NEB: variants seen among roughly 807,000 people sequenced by gnomAD.
NEB encodes nebulin.
NEB carries 512 observed loss-of-function variants against 952.2 expected under a neutral mutation model. That is an observed-to-expected ratio of 0.54 (90% CI 0.50 to 0.58). NEB has a LOEUF of 0.58. Among genes scored for constraint, NEB ranks in the 20% least tolerant of loss-of-function variants. The pLI, the probability that NEB is intolerant of heterozygous loss-of-function variation, is 0.00. For missense variants in NEB, 8,428 were observed against 9,231.1 expected, an observed-to-expected ratio of 0.91 and a Z score of 3.56; for synonymous variants, 2,900 against 3,149.8, an observed-to-expected ratio of 0.92 and a Z score of 2.66.
intron 173 of NEB, among the ~76,000 whole-genome samples, chr2:151,495,770 A>G (rs1027674632): frequency 1.3e-5 from 2 of 152,210 alleles, no homozygotes; most frequent in Admixed American, 1.3e-4. Flanking sequence ...ATAATTGCCA[A>G]AACTACTATT....
chr2:151,563,524 C>T (rs1286313516), intron 119 of NEB, 82 bp downstream of exon 119: 3 of 1,263,486 alleles, frequency 2.4e-6, no homozygotes, highest in South Asian at 2.4e-5. Context: ...CTAACCTGAA[C>T]CAAAGGGCAA....
chr2:151,714,214 T>A (rs1406321431), intron 10 of NEB, among the ~76,000 whole-genome samples: 1 of 152,254 alleles, frequency 6.6e-6, no homozygotes, highest in East Asian at 1.9e-4. Flanking sequence ...AACAATTCCC[T>A]CTGACCCCTT....
At chr2:151,509,268 C>T (rs2071970049) in intron 161 of NEB, among the ~76,000 whole-genome samples, 1 of 152,132 alleles carries the variant, frequency 6.6e-6, no homozygotes. Flanking sequence ...TCATCATGAA[C>T]AAATGTTTTG....
In NEB at chr2:151,538,171, T is replaced by A. The variant is rs537451022; in HGVS notation, c.20966A>T (p.Tyr6989Phe). 26 of 1,612,708 alleles carry A rather than the reference T, an allele frequency of 1.6e-5. No individual in the cohort carries two copies. The South Asian group carries it at 2.9e-4, about 18-fold the overall frequency. Residue 6989 changes from tyrosine to phenylalanine, a missense_variant, in exon 139 of 182, where the codon TAT (tyrosine) becomes TTT (phenylalanine). Tyr to Phe is a conservative substitution (Grantham distance 22). This residue lies in a region of NEB where 3,374 missense variants were observed against 3,651.5 expected (regional missense o/e 0.92). Transcript: ENST00000397345. ...HTVKDALDIV[Y>F]HRKVTDDISK... is the part of the protein sequence containing the mutation. Reference sequence around the variant, plus strand: ...GATGTCATCTGTGACTTTGCGATGATAGACAATGTCTAGGGCATCTTTCAC... The same window carrying A: ...GATGTCATCTGTGACTTTGCGATGAAAGACAATGTCTAGGGCATCTTTCAC...
Position 151,667,829 on chromosome 2 carries a change from T to C in NEB, c.4694A>G (p.Lys1565Arg). The C allele has an allele frequency of 1.9e-6, 3 of 1,612,610 alleles. No homozygotes were observed. The highest frequency in any genetic ancestry group is 2.5e-6 in the Non-Finnish European group (3 of 1,178,890). Residue 1565 changes from lysine (K) to arginine (R), a missense_variant, in exon 40 of 182, where the codon AAA (lysine) becomes AGA (arginine). Transcript: ENST00000397345. ...ATCACTAGCAATATTCCTTGAACTTTTTGCAGCAACAATTGGGATGGCATC... is the reference window on the plus strand; with the variant it reads ...ATCACTAGCAATATTCCTTGAACTTCTTGCAGCAACAATTGGGATGGCATC... ...RPDAIPIVAA[K>R]SSRNIASDCK...
intron 72 of NEB, 122 bp from the exon 73 acceptor site, chr2:151,619,884 C>T: frequency 1.0e-6 from 1 of 996,996 alleles, no homozygotes; most frequent in Non-Finnish European, 1.5e-6. Flanking sequence ...GGTCATGCTG[C>T]TGTAACGCCA....
intron 13 of NEB, among the ~76,000 whole-genome samples, 187 bp from the exon 14 acceptor site, chr2:151,697,835 G>A (rs2099607300): frequency 6.6e-6 from 1 of 152,200 alleles, no homozygotes. Flanking sequence ...AGGAGGCCGA[G>A]GCGGGCGGAT....
In NEB at chr2:151,625,628, G is replaced by T. The variant is rs781408732; in HGVS notation, c.10358C>A (p.Thr3453Lys). 1 of 1,600,690 alleles carries T rather than the reference G, an allele frequency of 6.2e-7. No homozygotes were observed. Among genetic ancestry groups the T allele is most frequent in the Non-Finnish European group, 8.5e-7 (1 of 1,170,954 alleles). ...NALNMNKRLY[T>K]EAWDKDKTQV... ...GGTCTTGTCTTTGTCCCAGGCTTCT[G>T]TGTATAAGCGCTGTGAAGGATAAAA... Residue 3453 changes from threonine to lysine, a missense_variant, in exon 71 of 182, where the codon ACA becomes AAA. Physicochemically the swap from Thr to Lys is moderately conservative, Grantham distance 78 (BLOSUM62 -1). Coordinates refer to ENST00000397345, the MANE Select transcript of NEB (RefSeq NM_001164508.2).
chr2:151,635,019 A>G (rs548768085), intron 64 of NEB, among the ~76,000 whole-genome samples: 13 of 152,296 alleles, frequency 8.5e-5, no homozygotes, highest in African/African-American at 2.9e-4. Flanking sequence ...ACAATATGGT[A>G]CAGTGGAAAG....
chr2:151,705,563 C>T (rs918465037), intron 13 of NEB, among the ~76,000 whole-genome samples: 3 of 152,108 alleles, frequency 2.0e-5, no homozygotes, highest in East Asian at 3.8e-4. Context: ...ATCCAGCAAT[C>T]CCATCACTGA....
Position 151,609,504 on chromosome 2 carries a change from A to G in NEB, c.12330+305T>C, listed in dbSNP as rs373635811. ...TTTTAAAGGAAAATTTTGCTGAATT[A>G]GATTCCATTTTAATCCTGTGGCAAT... On this transcript the variant is annotated intron_variant, in intron 81 of 181. Transcript: ENST00000397345. 4.1e-3 allele frequency among the ~76,000 whole-genome samples: 624 copies of G among 152,324 alleles called. 3 individuals carry two copies. The highest frequency in any genetic ancestry group is 0.014 in the African/African-American group (589 of 41,578).
At chr2:151,610,438 G>T in intron 80 of NEB, 78 bp downstream of exon 80, 1 of 1,044,678 alleles carries the variant, frequency 9.6e-7, no homozygotes, top group Non-Finnish European at 1.5e-6. Context: ...AATCACTATA[G>T]AGTGTGTGGT....
chr2:151,540,711 C>G lies in NEB; in HGVS notation c.20773G>C (p.Asp6925His), dbSNP rs906469277. The G allele has an allele frequency of 6.2e-7, 1 of 1,613,420 alleles. No homozygotes were observed. Among genetic ancestry groups the G allele is most frequent in the Non-Finnish European group, 8.5e-7 (1 of 1,179,556 alleles). ...TCCCATCTTACCTCACTGACCATGT[C>G]CTTCACGTCTTTAGCATGCTTCAAG... ...TALKHAKDVK[D>H]MVSEKKYKIQ... Residue 6925 changes from aspartate to histidine, a missense_variant, in exon 137 of 182, where the codon GAC (aspartate) becomes CAC (histidine). Physicochemically the swap from Asp to His is moderately conservative, Grantham distance 81. Around this residue, in one of 11 missense-constraint regions of NEB, gnomAD observed 3,374 missense variants for 3,651.5 expected, o/e 0.92. Coordinates refer to ENST00000397345, the MANE Select transcript of NEB (RefSeq NM_001164508.2).
intron 9 of NEB, 69 bp downstream of exon 9, chr2:151,723,312 TG>T: frequency 9.4e-7 from 1 of 1,058,750 alleles, no homozygotes; most frequent in Non-Finnish European, 1.4e-6. Context: ...AGTGACCATC[TG>T]GCCAGAATAT....
At position 151,563,845 on chromosome 2, in the gene NEB, T is replaced by C. The variant is rs771669133; in HGVS notation, c.18557A>G (p.His6186Arg). The stretch of plus-strand genomic sequence containing the variant: ...GACCTCACTGTTCACCAGATCAGCA[T>C]GCTTGGCTCCAACAATGGGAATGTA... ...ERYIPIVGAK[H>R]ADLVNSELKY... The change falls in exon 118 of 182, where the codon CAT becomes CGT. Residue 6186 changes from histidine to arginine, a missense_variant. By Grantham distance (29) the His-to-Arg change is conservative. This residue lies in a region of NEB where 3,374 missense variants were observed against 3,651.5 expected (regional missense o/e 0.92). Transcript: ENST00000397345. 4.3e-6 allele frequency: 7 copies of C among 1,613,348 alleles called. No individual in the cohort carries two copies. Among genetic ancestry groups the C allele is most frequent in the Admixed American group, 1.7e-5 (1 of 59,900 alleles).
At chr2:151,575,648 G>T (rs1227130607) in intron 107 of NEB, 47 bp downstream of exon 107, 1 of 1,324,366 alleles carries the variant, frequency 7.6e-7, no homozygotes, top group South Asian at 1.2e-5. Context: ...GTATAGCCCT[G>T]ACTGGGTAAC....
chr2:151,690,752 T>G lies in NEB; in HGVS notation c.2285A>C (p.Gln762Pro), dbSNP rs765769563. 2 of 1,597,082 alleles carry G rather than the reference T, an allele frequency of 1.3e-6. No homozygotes were observed. Among genetic ancestry groups the G allele is most frequent in the East Asian group, 4.5e-5 (2 of 44,446 alleles). ...ATCACTAAGCTGTTTCGTGTTGAGC[T>G]GGGCTTGCAACAGTACAGGAGAATC... ...VTDSPVLLQA[Q>P]LNTKQLSDLN... is the part of the protein sequence containing the mutation. Residue 762 changes from glutamine to proline, a missense_variant, in exon 24 of 182, where the codon CAG becomes CCG. By Grantham distance (76) the Gln-to-Pro change is moderately conservative. Coordinates refer to ENST00000397345, the MANE Select transcript of NEB (RefSeq NM_001164508.2).
chr2:151,704,263 AGC>A (rs2099692158), intron 13 of NEB, among the ~76,000 whole-genome samples: 2 of 85,136 alleles, frequency 2.3e-5, no homozygotes, highest in African/African-American at 9.0e-5. Flanking sequence ...CTCTCTTCAA[AGC>A]TGTCAGACAG....
At chr2:151,720,833 T>C (rs545694580) in intron 9 of NEB, among the ~76,000 whole-genome samples, 6 of 152,340 alleles carry the variant, frequency 3.9e-5, no homozygotes, top group African/African-American at 1.2e-4. Flanking sequence ...GCTTCCCTCA[T>C]AGATGTTCAT....
Sources: allele counts gnomAD v4.1 joint callset (sites outside exome capture counted in the v4.1 genomes callset), GRCh38; gene constraint gnomAD v4.1.1; regional missense constraint gnomAD v4.1.1; transcripts MANE v1.5; gene names NCBI Gene and HGNC (gene_info 2026-07-23, HGNC 2026-07-21).